LPP: variants seen among roughly 807,000 people sequenced by gnomAD.
The protein encoded by LPP is LIM domain containing preferred translocation partner in lipoma.
LPP carries 38 observed loss-of-function variants against 60.4 expected under a neutral mutation model. That is an observed-to-expected ratio of 0.63 (90% CI 0.49 to 0.83). The LOEUF (loss-of-function observed/expected upper bound fraction) is 0.83, where lower values mean the gene tolerates loss of function less well. Ranked by LOEUF, LPP falls within the 40% of genes least tolerant of loss-of-function variation. The pLI is 0.00. For synonymous variants in LPP, 328 were observed against 290.8 expected, an observed-to-expected ratio of 1.13 and a Z score of -1.30; for missense variants, 902 against 783.6, an observed-to-expected ratio of 1.15 and a Z score of -1.80.
intron 6 of LPP, among the ~76,000 whole-genome samples, chr3:188,560,273 A>G (rs1379902307): frequency 6.6e-6 from 1 of 152,054 alleles, no homozygotes; most frequent in Non-Finnish European, 1.5e-5. Context: ...TCTCTGTGCT[A>G]TGCTACCACC....
At chr3:188,517,215 GA>G (rs1817616872) in intron 5 of LPP, among the ~76,000 whole-genome samples, 1 of 152,144 alleles carries the variant, frequency 6.6e-6, no homozygotes, top group Non-Finnish European at 1.5e-5. Context: ...CAGCAATTGG[GA>G]GATACAGGTA....
intron 7 of LPP, among the ~76,000 whole-genome samples, chr3:188,613,756 G>T (rs1269412999): frequency 6.6e-6 from 1 of 151,982 alleles, no homozygotes; most frequent in African/African-American, 2.4e-5. Context: ...TATTTTATGG[G>T]TCAGAGAAGA....
At chr3:188,869,264 C>T (rs892879099) in intron 10 of LPP, among the ~76,000 whole-genome samples, 4 of 151,986 alleles carry the variant, frequency 2.6e-5, no homozygotes, top group African/African-American at 9.7e-5. Context: ...ACCTGCTTAG[C>T]CTGCCTTTTA....
intron 1 of LPP, among the ~76,000 whole-genome samples, chr3:188,216,142 C>T (rs1713469615): frequency 6.6e-6 from 1 of 152,088 alleles, no homozygotes; most frequent in South Asian, 2.1e-4. Flanking sequence ...CAGATCATTT[C>T]TGGAACAAGG....
intron 2 of LPP, among the ~76,000 whole-genome samples, chr3:188,261,544 C>T (rs9838653): frequency 0.49 from 73,685 of 151,558 alleles, 18,089 homozygotes; most frequent in Middle Eastern, 0.59. Context: ...CGCTCAGACT[C>T]AAAGTCTAAT....
intron 1 of LPP, among the ~76,000 whole-genome samples, chr3:188,177,257 T>TC (rs1374401366): frequency 1.3e-5 from 2 of 151,934 alleles, no homozygotes; most frequent in Non-Finnish European, 2.9e-5. Context: ...CATGGCAGGG[T>TC]CCCCCTGTGC....
intron 7 of LPP, among the ~76,000 whole-genome samples, chr3:188,698,697 C>T (rs967802672): frequency 1.3e-5 from 2 of 152,208 alleles, no homozygotes; most frequent in Non-Finnish European, 2.9e-5. Flanking sequence ...CCTTGTCTGC[C>T]GAAGCCTAAG....
intron 10 of LPP, among the ~76,000 whole-genome samples, chr3:188,869,653 CTTGTTAAACT>C (rs1193729623): frequency 6.6e-6 from 1 of 152,318 alleles, no homozygotes; most frequent in East Asian, 1.9e-4. Flanking sequence ...ACAGAGGGAT[CTTGTTAAACT>C]TTGGATTTTA....
chr3:188,756,219 A>T (rs1343763539), intron 8 of LPP, among the ~76,000 whole-genome samples: 1 of 152,322 alleles, frequency 6.6e-6, no homozygotes, highest in African/African-American at 2.4e-5. Flanking sequence ...TAGAGTCAGT[A>T]CAAAGCAATA....
intron 1 of LPP, among the ~76,000 whole-genome samples, chr3:188,156,857 C>CA (rs1240284767): frequency 6.6e-6 from 1 of 151,404 alleles, no homozygotes; most frequent in East Asian, 1.9e-4. Flanking sequence ...CCCCACCCCC[C>CA]CAAGAAAAAT....
chr3:188,381,103 G>A (rs1776758018), intron 3 of LPP, among the ~76,000 whole-genome samples: 1 of 152,154 alleles, frequency 6.6e-6, no homozygotes, highest in African/African-American at 2.4e-5. Context: ...TTTAATAAAT[G>A]GGTAGTGGAG....
chr3:188,834,176 T>C (rs1416588470), intron 9 of LPP, among the ~76,000 whole-genome samples: 2 of 152,302 alleles, frequency 1.3e-5, no homozygotes, highest in Non-Finnish European at 2.9e-5. Context: ...GTGCACACTC[T>C]ATTCTCCTGC....
intron 3 of LPP, among the ~76,000 whole-genome samples, chr3:188,403,901 G>A (rs1294990771): frequency 6.6e-6 from 1 of 152,122 alleles, no homozygotes; most frequent in Non-Finnish European, 1.5e-5. Context: ...GTATGTATGT[G>A]TGTGTATATA....
chr3:188,782,046 G>T (rs1233868857), intron 9 of LPP, among the ~76,000 whole-genome samples: 3 of 152,128 alleles, frequency 2.0e-5, no homozygotes, highest in Non-Finnish European at 4.4e-5. Flanking sequence ...ACAGAAAAAG[G>T]ACATCTTTTT....
chr3:188,860,854 A>G (rs1340823186), intron 9 of LPP, among the ~76,000 whole-genome samples: 2 of 152,218 alleles, frequency 1.3e-5, no homozygotes, highest in African/African-American at 4.8e-5. Flanking sequence ...TAACTTGCAG[A>G]TAGCAAGCCT....
chr3:188,815,115 A>G (rs1187911072), intron 9 of LPP, among the ~76,000 whole-genome samples: 2 of 152,236 alleles, frequency 1.3e-5, no homozygotes, highest in Non-Finnish European at 2.9e-5. Context: ...GACACTAAAT[A>G]AATACTTGTC....
intron 9 of LPP, among the ~76,000 whole-genome samples, chr3:188,801,659 G>A (rs1342177533): frequency 2.0e-5 from 3 of 152,100 alleles, no homozygotes; most frequent in African/African-American, 7.2e-5. Context: ...CCAGATCCGT[G>A]ATGTCTTGAC....
chr3:188,700,336 G>T (rs972382843), intron 7 of LPP, among the ~76,000 whole-genome samples: 1 of 152,070 alleles, frequency 6.6e-6, no homozygotes, highest in Non-Finnish European at 1.5e-5. Context: ...AAATGATCAC[G>T]CCAAGGTCAG....
intron 2 of LPP, among the ~76,000 whole-genome samples, chr3:188,253,806 G>A (rs778443277): frequency 6.6e-6 from 1 of 152,176 alleles, no homozygotes; most frequent in Non-Finnish European, 1.5e-5. Context: ...AGTAAAACCT[G>A]TAATGCCCCT....
Sources: gnomAD v4.1 joint callset for allele counts (sites outside exome capture counted in the v4.1 genomes callset) on GRCh38, gnomAD v4.1.1 for gene constraint, MANE v1.5 for transcripts, NCBI Gene and HGNC (gene_info 2026-07-23, HGNC 2026-07-21) for gene names.